Variants in CDH12 observed in about 807,000 individuals in gnomAD.
CDH12 encodes the protein cadherin 12.
CDH12 carries 41 observed loss-of-function variants against 74.1 expected under a neutral mutation model. The observed-to-expected ratio is 0.55, with a 90% CI of 0.43 to 0.72. The LOEUF is 0.72. Ranked by LOEUF, CDH12 falls within the 30% of genes least tolerant of loss-of-function variation. The pLI is 0.00. For synonymous variants in CDH12, 399 were observed against 355.0 expected, an observed-to-expected ratio of 1.12 and a Z score of -1.39; for missense variants, 945 against 977.2, an observed-to-expected ratio of 0.97 and a Z score of 0.44.
intron 6 of CDH12, among the ~76,000 whole-genome samples, chr5:21,946,764 C>A (rs1755595720): frequency 6.6e-6 from 1 of 152,154 alleles, no homozygotes; most frequent in Admixed American, 6.5e-5. Flanking sequence ...TATTTCTCAC[C>A]TGTTTGTGGC....
intron 3 of CDH12, among the ~76,000 whole-genome samples, chr5:22,267,551 C>T (rs60331506): frequency 0.025 from 3,851 of 152,144 alleles, 72 homozygotes; most frequent in African/African-American, 0.052. Flanking sequence ...TGAGGGACCT[C>T]AGCTGTATTC....
Position 22,031,078 on chromosome 5 carries a change from T to C in CDH12, c.231+47368A>G, listed in dbSNP as rs1007606705. ...GGCCAGGCATGGTATCTCACACCTG[T>C]AATCCCAGCACTTTAGGAGGCCAAG... On this transcript the variant is annotated intron_variant, in intron 5 of 14. Transcript: ENST00000382254. Among the ~76,000 whole-genome samples, 3 of 152,118 alleles carry C rather than the reference T, an allele frequency of 2.0e-5. No homozygotes were observed. The East Asian group carries it at 5.8e-4, about 29-fold the overall frequency.
chr5:22,366,883 T>G (rs945005537), intron 3 of CDH12, among the ~76,000 whole-genome samples: 1 of 152,206 alleles, frequency 6.6e-6, no homozygotes, highest in Admixed American at 6.5e-5. Flanking sequence ...TCTCTGCCAT[T>G]TACTGGATGT....
chr5:22,335,301 G>A (rs564636777), intron 3 of CDH12, among the ~76,000 whole-genome samples: 1 of 152,168 alleles, frequency 6.6e-6, no homozygotes, highest in Non-Finnish European at 1.5e-5. Flanking sequence ...TCTTTCCCTT[G>A]CTGTTCTTGT....
At chr5:22,801,245 G>A (rs1428006961) in intron 1 of CDH12, among the ~76,000 whole-genome samples, 1 of 152,122 alleles carries the variant, frequency 6.6e-6, no homozygotes, top group Non-Finnish European at 1.5e-5. Context: ...TCTAACAGGT[G>A]TGCAGTGGTT....
At chr5:22,664,657 G>A (rs1478146460) in intron 1 of CDH12, among the ~76,000 whole-genome samples, 1 of 152,092 alleles carries the variant, frequency 6.6e-6, no homozygotes, top group Non-Finnish European at 1.5e-5. Context: ...GTAATTAGGT[G>A]TTTCCTGTGT....
intron 5 of CDH12, among the ~76,000 whole-genome samples, chr5:21,980,955 T>C (rs989122858): frequency 3.3e-5 from 5 of 152,190 alleles, no homozygotes; most frequent in African/African-American, 9.6e-5. Flanking sequence ...CTAAATATCA[T>C]AGGGAATCGA....
At chr5:22,122,887 G>C (rs889512720) in intron 4 of CDH12, among the ~76,000 whole-genome samples, 1 of 152,170 alleles carries the variant, frequency 6.6e-6, no homozygotes, top group African/African-American at 2.4e-5. Context: ...GAGTTTACCA[G>C]CCTTTGGACT....
At chr5:22,164,608 C>T (rs572041399) in intron 4 of CDH12, among the ~76,000 whole-genome samples, 6 of 152,306 alleles carry the variant, frequency 3.9e-5, no homozygotes, top group South Asian at 2.1e-4. Flanking sequence ...AGCTCCTGTA[C>T]GAGGAGGGGA....
intron 6 of CDH12, among the ~76,000 whole-genome samples, chr5:21,947,566 T>C (rs1201729745): frequency 1.3e-4 from 20 of 152,172 alleles, no homozygotes; most frequent in Admixed American, 1.3e-4. Context: ...AGAAACATTA[T>C]CTCAAATTGG....
chr5:21,817,262 C>T, intron 8 of CDH12, 130 bp from the exon 9 acceptor site: 1 of 550,992 alleles, frequency 1.8e-6, no homozygotes. Flanking sequence ...ATTGAAAAGG[C>T]AATTTGCTGT....
At chr5:22,257,430 GT>G (rs1753358052) in intron 3 of CDH12, among the ~76,000 whole-genome samples, 1 of 151,512 alleles carries the variant, frequency 6.6e-6, no homozygotes, top group Non-Finnish European at 1.5e-5. Flanking sequence ...TGTACAATGT[GT>G]TTGTTTTTTT....
intron 8 of CDH12, among the ~76,000 whole-genome samples, chr5:21,830,097 G>A (rs1748921321): frequency 6.8e-6 from 1 of 147,824 alleles, no homozygotes; most frequent in Non-Finnish European, 1.5e-5. Context: ...TACTTGGGAG[G>A]CTGAGGCAAG....
At chr5:22,486,931 A>C (rs1478748978) in intron 2 of CDH12, among the ~76,000 whole-genome samples, 1 of 152,188 alleles carries the variant, frequency 6.6e-6, no homozygotes, top group African/African-American at 2.4e-5. Context: ...AGTGTTTGCA[A>C]AGATCTTCTG....
intron 3 of CDH12, among the ~76,000 whole-genome samples, chr5:22,221,094 T>C (rs1465405838): frequency 6.6e-6 from 1 of 151,862 alleles, no homozygotes; most frequent in East Asian, 1.9e-4. Flanking sequence ...TTTTTACTGT[T>C]CGATGTATTT....
chr5:22,613,809 A>G (rs1476262509), intron 1 of CDH12, among the ~76,000 whole-genome samples: 2 of 152,088 alleles, frequency 1.3e-5, no homozygotes, highest in African/African-American at 4.8e-5. Flanking sequence ...CTTTTATTTC[A>G]CTGGGAATCA....
chr5:22,476,284 A>C (rs1459326853), intron 2 of CDH12, among the ~76,000 whole-genome samples: 1 of 152,104 alleles, frequency 6.6e-6, no homozygotes, highest in African/African-American at 2.4e-5. Flanking sequence ...TATATAAATA[A>C]CCTGATCTTG....
chr5:21,784,158 T>G (rs751716046), intron 10 of CDH12, among the ~76,000 whole-genome samples: 1 of 152,112 alleles, frequency 6.6e-6, no homozygotes, highest in Non-Finnish European at 1.5e-5. Flanking sequence ...TTGATAATAA[T>G]GGATGTTGCC....
At chr5:22,706,368 T>C (rs1156805861) in intron 1 of CDH12, among the ~76,000 whole-genome samples, 2 of 152,092 alleles carry the variant, frequency 1.3e-5, no homozygotes, top group African/African-American at 4.8e-5. Context: ...TAAGGATTCA[T>C]AAATCATAAT....
Sources: allele counts gnomAD v4.1 joint callset (sites outside exome capture counted in the v4.1 genomes callset), GRCh38; gene constraint gnomAD v4.1.1; transcripts MANE v1.5; gene names NCBI Gene and HGNC (gene_info 2026-07-23, HGNC 2026-07-21).